The following GPBP1 variants were observed in gnomAD, a reference collection of about 807,000 sequenced individuals.
GPBP1 encodes the protein vasculin.
A neutral mutation model predicts 56.5 loss-of-function variants in GPBP1; 13 were observed. The observed-to-expected ratio is 0.23, with a 90% CI of 0.15 to 0.37. GPBP1 has a LOEUF of 0.37. Ranked by LOEUF, GPBP1 falls within the 10% of genes least tolerant of loss-of-function variation. The pLI, the probability that GPBP1 is intolerant of heterozygous loss-of-function variation, is 1.00. For missense variants in GPBP1, 477 were observed against 572.3 expected, an observed-to-expected ratio of 0.83 and a Z score of 1.70; for synonymous variants, 204 against 188.9, an observed-to-expected ratio of 1.08 and a Z score of -0.66.
At position 57,176,149 on chromosome 5, in the gene GPBP1, A is replaced by C. The variant is rs1175983862; in HGVS notation, c.-309A>C. 2.5e-6 allele frequency: 1 copy of C among 396,210 alleles called. No homozygotes were observed. The highest frequency in any genetic ancestry group is 4.4e-6 in the Non-Finnish European group (1 of 225,034). The allele number at this position is 396,210 out of a possible 1,614,324, so 24.5% of individuals were successfully genotyped here. On this transcript the variant is annotated 5_prime_UTR_variant, in exon 2 of 12. Coordinates refer to ENST00000506184, the MANE Select transcript of GPBP1 (RefSeq NM_022913.4). ...GTGGACAAGTACAACAGTGGCAAGTACATGGAATAATAAAGAAGACTTTGA... is the reference window on the plus strand; with the variant it reads ...GTGGACAAGTACAACAGTGGCAAGTCCATGGAATAATAAAGAAGACTTTGA...
At chr5:57,226,296 C>A (rs181822730) in intron 3 of GPBP1, among the ~76,000 whole-genome samples, 3 of 152,322 alleles carry the variant, frequency 2.0e-5, no homozygotes, top group African/African-American at 7.2e-5. Flanking sequence ...TGGTTCCCAA[C>A]CTCCACCAGC....
At chr5:57,193,651 C>T (rs917722460) in intron 2 of GPBP1, among the ~76,000 whole-genome samples, 5 of 143,360 alleles carry the variant, frequency 3.5e-5, no homozygotes, top group Non-Finnish European at 6.0e-5. Flanking sequence ...GAAAAGTATT[C>T]TGTCTTTGTT....
intron 2 of GPBP1, among the ~76,000 whole-genome samples, chr5:57,207,763 C>T (rs572910849): frequency 7.2e-5 from 11 of 152,214 alleles, no homozygotes; most frequent in African/African-American, 2.4e-4. Flanking sequence ...CCCCTGGAGT[C>T]CTGCAGCTCA....
At chr5:57,175,117 A>G (rs945863472) in intron 1 of GPBP1, among the ~76,000 whole-genome samples, 20 of 152,216 alleles carry the variant, frequency 1.3e-4, no homozygotes, top group African/African-American at 4.6e-4. Flanking sequence ...ATTATGTGTC[A>G]ATTTCATAGT....
intron 2 of GPBP1, among the ~76,000 whole-genome samples, chr5:57,197,068 A>G (rs1257334741): frequency 6.6e-6 from 1 of 151,740 alleles, no homozygotes; most frequent in Non-Finnish European, 1.5e-5. Context: ...GGCGTGAGCC[A>G]CCACGCCCGA....
At chr5:57,249,198 A>AGACCTTC (rs1453546883) in intron 8 of GPBP1, 1 of 445,268 alleles carries the variant, frequency 2.2e-6, no homozygotes, top group East Asian at 3.5e-5. Context: ...GAGTATTATC[A>AGACCTTC]GACCTTCATT....
intron 2 of GPBP1, among the ~76,000 whole-genome samples, chr5:57,200,165 C>T (rs182408193): frequency 7.0e-4 from 82 of 116,670 alleles, no homozygotes; most frequent in Middle Eastern, 4.6e-3. Context: ...CCTTCCCTTT[C>T]CTTCCTCTCT....
At chr5:57,251,244 C>G (rs187752167) in intron 10 of GPBP1, 103 bp downstream of exon 10, 8 of 978,128 alleles carry the variant, frequency 8.2e-6, no homozygotes, top group Non-Finnish European at 1.1e-5. Flanking sequence ...ATACAACTTA[C>G]GCCATAAATT....
At chr5:57,226,726 ATTCTT>A (rs1756210703) in intron 3 of GPBP1, among the ~76,000 whole-genome samples, 2 of 46,328 alleles carry the variant, frequency 4.3e-5, no homozygotes, top group African/African-American at 1.8e-4. Context: ...TAATTTTTGT[ATTCTT>A]TTTTTTTTTT....
chr5:57,188,665 C>T (rs893099431), intron 2 of GPBP1, among the ~76,000 whole-genome samples: 5 of 152,124 alleles, frequency 3.3e-5, no homozygotes, highest in African/African-American at 1.2e-4. Flanking sequence ...ATTGCTTAAA[C>T]ACGTCAGGCA....
At chr5:57,259,179 C>T (rs368317620) in intron 10 of GPBP1, among the ~76,000 whole-genome samples, 7 of 152,288 alleles carry the variant, frequency 4.6e-5, no homozygotes, top group African/African-American at 1.7e-4. Context: ...AGGTGCTGTG[C>T]AATACATACT....
intron 10 of GPBP1, among the ~76,000 whole-genome samples, chr5:57,255,164 A>G (rs766865798): frequency 2.0e-5 from 3 of 152,066 alleles, no homozygotes; most frequent in Non-Finnish European, 4.4e-5. Flanking sequence ...CCTGTGATCA[A>G]GATTTATGTG....
At chr5:57,205,121 A>G (rs571154954) in intron 2 of GPBP1, among the ~76,000 whole-genome samples, 8 of 152,216 alleles carry the variant, frequency 5.3e-5, no homozygotes, top group African/African-American at 1.7e-4. Flanking sequence ...CACCCTCCCA[A>G]CAGTCTCTAG....
intron 10 of GPBP1, among the ~76,000 whole-genome samples, chr5:57,252,045 A>G (rs566827508): frequency 3.7e-4 from 57 of 152,144 alleles, no homozygotes; most frequent in Non-Finnish European, 6.3e-4. Flanking sequence ...ATATTTGTGT[A>G]TAAGTCTCAT....
chr5:57,179,057 G>A (rs915989843), intron 2 of GPBP1, among the ~76,000 whole-genome samples: 1 of 152,148 alleles, frequency 6.6e-6, no homozygotes. Context: ...CTGAGACTGG[G>A]AGAAAGTTAC....
At chr5:57,186,841 G>T (rs1754308300) in intron 2 of GPBP1, among the ~76,000 whole-genome samples, 1 of 152,052 alleles carries the variant, frequency 6.6e-6, no homozygotes, top group South Asian at 2.1e-4. Context: ...AAAGTATTGG[G>T]ATTACAGGCG....
intron 2 of GPBP1, among the ~76,000 whole-genome samples, chr5:57,189,115 C>T (rs1754412957): frequency 6.6e-6 from 1 of 151,934 alleles, no homozygotes; most frequent in Admixed American, 6.6e-5. Flanking sequence ...CATGCACCAC[C>T]ATACCCGGCT....
intron 6 of GPBP1, among the ~76,000 whole-genome samples, chr5:57,239,601 TG>T (rs1740724715): frequency 6.6e-6 from 1 of 151,588 alleles, no homozygotes; most frequent in Non-Finnish European, 1.5e-5. Context: ...GCCAAAATGG[TG>T]AAACCCGTTT....
At chr5:57,259,019 T>C (rs1741780400) in intron 10 of GPBP1, among the ~76,000 whole-genome samples, 1 of 152,220 alleles carries the variant, frequency 6.6e-6, no homozygotes, top group African/African-American at 2.4e-5. Context: ...TTAGGTGTCA[T>C]TGAATGGTAA....
Sources: allele counts gnomAD v4.1 joint callset (sites outside exome capture counted in the v4.1 genomes callset), GRCh38; gene constraint gnomAD v4.1.1; transcripts MANE v1.5; gene names NCBI Gene and HGNC (gene_info 2026-07-23, HGNC 2026-07-21).